Variants in CSMD1 observed in about 807,000 individuals in gnomAD.
CSMD1 encodes the protein CUB and sushi domain-containing protein 1.
A neutral mutation model predicts 417.5 loss-of-function variants in CSMD1; 213 were observed. The observed-to-expected ratio is 0.51, with a 90% CI of 0.46 to 0.57. The LOEUF is 0.57. CSMD1 is among the 20% of genes least tolerant of loss of function. CSMD1 has a pLI of 0.00. For missense variants in CSMD1, 6,923 were observed against 4,529.7 expected, an observed-to-expected ratio of 1.53 and a Z score of -15.17; for synonymous variants, 2,862 against 1,736.8, an observed-to-expected ratio of 1.65 and a Z score of -16.11.
chr8:3,263,194 G>A (rs1017443039), intron 26 of CSMD1, among the ~76,000 whole-genome samples: 1 of 152,168 alleles, frequency 6.6e-6, no homozygotes, highest in Non-Finnish European at 1.5e-5. Context: ...TGCCTCCTGG[G>A]TTCAAGCGAT....
intron 3 of CSMD1, among the ~76,000 whole-genome samples, chr8:4,262,231 G>C (rs1009893950): frequency 6.6e-6 from 1 of 152,176 alleles, no homozygotes; most frequent in African/African-American, 2.4e-5. Context: ...ACTTGGATCT[G>C]AGAGTGAAAC....
intron 3 of CSMD1, among the ~76,000 whole-genome samples, chr8:4,216,228 C>A (rs888962281): frequency 3.3e-5 from 5 of 152,214 alleles, no homozygotes; most frequent in African/African-American, 9.6e-5. Flanking sequence ...TGTTCCTGCA[C>A]ATGCCCTTTT....
chr8:3,967,950 G>C (rs139862040), intron 5 of CSMD1, among the ~76,000 whole-genome samples: 1 of 147,998 alleles, frequency 6.8e-6, no homozygotes, highest in Non-Finnish European at 1.5e-5. Flanking sequence ...TGCGGATCAC[G>C]AGGTCAGGAG....
intron 2 of CSMD1, among the ~76,000 whole-genome samples, chr8:4,515,567 T>G (rs1803069901): frequency 6.6e-6 from 1 of 152,226 alleles, no homozygotes; most frequent in Non-Finnish European, 1.5e-5. Flanking sequence ...CCCAGTTAAA[T>G]TCAAGTCTGG....
At chr8:3,958,221 C>G (rs749040331) in intron 5 of CSMD1, among the ~76,000 whole-genome samples, 22 of 151,970 alleles carry the variant, frequency 1.4e-4, no homozygotes, top group Non-Finnish European at 2.9e-4. Flanking sequence ...AATCCATAAC[C>G]AAACATGAAG....
At chr8:4,624,901 A>G (rs1802008760) in intron 2 of CSMD1, among the ~76,000 whole-genome samples, 2 of 152,274 alleles carry the variant, frequency 1.3e-5, no homozygotes, top group African/African-American at 4.8e-5. Flanking sequence ...AGGCACTGGC[A>G]TTCTTTTTTA....
intron 3 of CSMD1, among the ~76,000 whole-genome samples, chr8:4,088,326 T>C (rs1196742881): frequency 6.6e-6 from 1 of 152,214 alleles, no homozygotes; most frequent in East Asian, 1.9e-4. Context: ...TCACTTTTGA[T>C]TTACCATACT....
intron 3 of CSMD1, among the ~76,000 whole-genome samples, chr8:4,062,477 T>C (rs1272235409): frequency 1.3e-5 from 2 of 152,136 alleles, no homozygotes; most frequent in Admixed American, 6.5e-5. Context: ...TCAAATGCAC[T>C]ACAAATAAAT....
intron 1 of CSMD1, among the ~76,000 whole-genome samples, chr8:4,715,660 T>C (rs1253546787): frequency 6.6e-6 from 1 of 152,152 alleles, no homozygotes; most frequent in Non-Finnish European, 1.5e-5. Context: ...TCTTCCAGAT[T>C]CATCTTAATT....
intron 3 of CSMD1, among the ~76,000 whole-genome samples, chr8:4,221,821 G>A (rs757897448): frequency 1.3e-5 from 2 of 152,064 alleles, no homozygotes; most frequent in African/African-American, 4.8e-5. Flanking sequence ...TTCCTACTTG[G>A]CTCTGAGAAT....
chr8:3,851,149 A>T (rs1803878585), intron 5 of CSMD1, among the ~76,000 whole-genome samples: 1 of 152,220 alleles, frequency 6.6e-6, no homozygotes, highest in Admixed American at 6.5e-5. Flanking sequence ...CTGAGGAGCT[A>T]ATTTGTGACA....
At chr8:3,188,611 G>C (rs1796228593) in intron 35 of CSMD1, among the ~76,000 whole-genome samples, 1 of 151,758 alleles carries the variant, frequency 6.6e-6, no homozygotes, top group South Asian at 2.1e-4. Context: ...ACGGCTGAAA[G>C]AACAATTTCT....
chr8:3,967,114 G>C (rs1053141922), intron 5 of CSMD1, among the ~76,000 whole-genome samples: 3 of 152,192 alleles, frequency 2.0e-5, no homozygotes, highest in African/African-American at 7.2e-5. Flanking sequence ...TTTTCATAGA[G>C]AAACGGACTA....
At chr8:4,500,811 G>A (rs1198377019) in intron 2 of CSMD1, among the ~76,000 whole-genome samples, 1 of 152,130 alleles carries the variant, frequency 6.6e-6, no homozygotes, top group East Asian at 1.9e-4. Flanking sequence ...TTGACTTACG[G>A]AAAACATGGG....
chr8:4,931,915 G>A (rs1275245260), intron 1 of CSMD1, among the ~76,000 whole-genome samples: 1 of 152,052 alleles, frequency 6.6e-6, no homozygotes, highest in Admixed American at 6.6e-5. Flanking sequence ...AATGTCCCTT[G>A]GACATTAAGA....
chr8:4,704,610 T>C (rs1228377872), intron 1 of CSMD1, among the ~76,000 whole-genome samples: 1 of 152,252 alleles, frequency 6.6e-6, no homozygotes, highest in Non-Finnish European at 1.5e-5. Flanking sequence ...CTGTATTTTC[T>C]AATTCTGTAC....
intron 1 of CSMD1, among the ~76,000 whole-genome samples, chr8:4,914,803 A>G (rs1585318761): frequency 6.6e-6 from 1 of 152,158 alleles, no homozygotes; most frequent in African/African-American, 2.4e-5. Context: ...ACAATGTAAG[A>G]CAAAGCTGTG....
At chr8:4,306,233 A>T (rs537191565) in intron 3 of CSMD1, among the ~76,000 whole-genome samples, 182 of 152,296 alleles carry the variant, frequency 1.2e-3, no homozygotes, top group Admixed American at 2.2e-3. Flanking sequence ...CCAAAATATC[A>T]CGACACTAAC....
At chr8:4,052,596 A>G (rs1249447837) in intron 3 of CSMD1, among the ~76,000 whole-genome samples, 1 of 152,174 alleles carries the variant, frequency 6.6e-6, no homozygotes, top group Non-Finnish European at 1.5e-5. Flanking sequence ...CTTTCCCTCC[A>G]TATAATTTAA....
Sources: gnomAD v4.1 joint callset for allele counts (sites outside exome capture counted in the v4.1 genomes callset) on GRCh38, gnomAD v4.1.1 for gene constraint, MANE v1.5 for transcripts, NCBI Gene and HGNC (gene_info 2026-07-23, HGNC 2026-07-21) for gene names.